PLA2G4E: variants seen among roughly 807,000 people sequenced by gnomAD.
PLA2G4E encodes phospholipase A2 group IVE, also known as cytosolic phospholipase A2 epsilon.
Under a neutral mutation model 109.1 loss-of-function variants are expected in PLA2G4E, and 84 were observed. The ratio of observed to expected loss-of-function variants is 0.77; its 90% CI spans 0.65 to 0.92. PLA2G4E has a LOEUF of 0.92. Ranked by LOEUF, PLA2G4E falls within the 40% of genes least tolerant of loss-of-function variation. The probability of loss-of-function intolerance (pLI) is 0.00; values close to 1 mark genes in which losing one functional copy is unlikely to be tolerated. For synonymous variants in PLA2G4E, 469 were observed against 436.1 expected (o/e 1.08, Z -0.94); for missense variants, 1,057 against 1,076.6 (o/e 0.98, Z 0.25).
chr15:42,045,217 C>T (rs573676702), intron 1 of PLA2G4E, among the ~76,000 whole-genome samples: 11 of 152,182 alleles, frequency 7.2e-5, no homozygotes, highest in East Asian at 1.9e-4. Context: ...AGACCCTCTA[C>T]GATGGGAGGT....
At chr15:42,031,174 G>T (rs1889107016) in intron 1 of PLA2G4E, among the ~76,000 whole-genome samples, 1 of 151,934 alleles carries the variant, frequency 6.6e-6, no homozygotes, top group Non-Finnish European at 1.5e-5. Flanking sequence ...TCACTATGTT[G>T]CCCACGCTGG....
chr15:42,034,653 G>A (rs1029832246), intron 1 of PLA2G4E, among the ~76,000 whole-genome samples: 5 of 152,138 alleles, frequency 3.3e-5, no homozygotes, highest in Admixed American at 6.5e-5. Flanking sequence ...CCTCTTCTAC[G>A]TCCTCTTTTT....
intron 13 of PLA2G4E, among the ~76,000 whole-genome samples, 153 bp from the exon 14 acceptor site, chr15:41,990,388 C>T (rs887140463): frequency 6.6e-6 from 1 of 152,188 alleles, no homozygotes; most frequent in Admixed American, 6.5e-5. Flanking sequence ...CCAGCCAAAT[C>T]ACTCTGAAAG....
chr15:42,015,343 C>T (rs986680848), intron 1 of PLA2G4E, among the ~76,000 whole-genome samples: 7 of 152,214 alleles, frequency 4.6e-5, no homozygotes, highest in African/African-American at 1.4e-4. Flanking sequence ...GGGACCGCAG[C>T]GCTCTCCCAG....
intron 5 of PLA2G4E, among the ~76,000 whole-genome samples, chr15:42,003,165 T>C (rs1025598178): frequency 6.6e-6 from 1 of 152,248 alleles, no homozygotes; most frequent in Non-Finnish European, 1.5e-5. Context: ...TGTTATAAAG[T>C]TGAGAACATA....
intron 1 of PLA2G4E, among the ~76,000 whole-genome samples, chr15:42,036,256 T>C (rs1889212995): frequency 6.6e-6 from 1 of 152,142 alleles, no homozygotes; most frequent in Non-Finnish European, 1.5e-5. Context: ...GCGATGGGGC[T>C]GGGCCAGGTC....
chr15:42,019,933 C>T (rs2068632490), intron 1 of PLA2G4E, among the ~76,000 whole-genome samples: 1 of 152,240 alleles, frequency 6.6e-6, no homozygotes, highest in South Asian at 2.1e-4. Context: ...TTGAGGTAAA[C>T]TCTGTCACCT....
intron 1 of PLA2G4E, among the ~76,000 whole-genome samples, chr15:42,031,819 AG>A (rs1405381656): frequency 1.3e-5 from 2 of 152,160 alleles, no homozygotes; most frequent in Non-Finnish European, 2.9e-5. Context: ...GGTTTCTCCT[AG>A]TTCCACTGTC....
intron 1 of PLA2G4E, among the ~76,000 whole-genome samples, chr15:42,023,593 G>A (rs2068667479): frequency 6.6e-6 from 1 of 152,036 alleles, no homozygotes; most frequent in African/African-American, 2.4e-5. Context: ...AAGTCCAGGA[G>A]TTTCTGTGGC....
At chr15:41,984,151 C>T (rs1252013756) in intron 19 of PLA2G4E, among the ~76,000 whole-genome samples, 177 bp from the exon 20 acceptor site, 3 of 152,206 alleles carry the variant, frequency 2.0e-5, no homozygotes, top group African/African-American at 4.8e-5. Flanking sequence ...CTCCTCAGGG[C>T]GTGGTGCAGG....
chr15:41,985,269 T>C (rs1163826512), intron 18 of PLA2G4E, among the ~76,000 whole-genome samples: 1 of 152,198 alleles, frequency 6.6e-6, no homozygotes, highest in African/African-American at 2.4e-5. Flanking sequence ...CTTAGATTGT[T>C]TTCATTGTTG....
chr15:42,004,860 C>T (rs2068458382), intron 5 of PLA2G4E, 78 bp downstream of exon 5: 2 of 1,539,524 alleles, frequency 1.3e-6, no homozygotes, highest in Non-Finnish European at 1.8e-6. Flanking sequence ...AAAGGCCGAC[C>T]TGCCTCTGAA....
chr15:41,985,914 G>A (rs766196285), exon 18 of PLA2G4E: 5 of 1,608,792 alleles, frequency 3.1e-6, no homozygotes, highest in Admixed American at 1.7e-5. Context: ...GGAGGGGCGG[G>A]TAGCTGGAGT....
At chr15:41,984,953 G>A (rs943604889) in intron 18 of PLA2G4E, among the ~76,000 whole-genome samples, 1 of 152,242 alleles carries the variant, frequency 6.6e-6, no homozygotes, top group Non-Finnish European at 1.5e-5. Flanking sequence ...AGCTGCCCAG[G>A]CCCCTGTGGG....
At chr15:42,048,991 C>T (rs1889463883) in intron 1 of PLA2G4E, among the ~76,000 whole-genome samples, 1 of 152,228 alleles carries the variant, frequency 6.6e-6, no homozygotes, top group African/African-American at 2.4e-5. Flanking sequence ...GTTAGCAAGA[C>T]AGCAGGGGAG....
chr15:42,014,034 G>C (rs1192965330), intron 1 of PLA2G4E, among the ~76,000 whole-genome samples: 1 of 151,962 alleles, frequency 6.6e-6, no homozygotes, highest in Non-Finnish European at 1.5e-5. Flanking sequence ...TGGGGTTACA[G>C]GTGTCTGCCA....
chr15:41,994,158 T>G (rs1317257236), intron 12 of PLA2G4E, among the ~76,000 whole-genome samples: 1 of 152,196 alleles, frequency 6.6e-6, no homozygotes, highest in African/African-American at 2.4e-5. Flanking sequence ...TTACTCTGTT[T>G]CTCCAGCTGA....
chr15:41,985,575 C>G (rs1484797774), intron 18 of PLA2G4E, among the ~76,000 whole-genome samples: 1 of 152,232 alleles, frequency 6.6e-6, no homozygotes, highest in South Asian at 2.1e-4. Context: ...GAAGAATTGC[C>G]CAATATGGCA....
chr15:41,984,886 G>C (rs2068115820), intron 18 of PLA2G4E, among the ~76,000 whole-genome samples: 2 of 152,240 alleles, frequency 1.3e-5, no homozygotes, highest in African/African-American at 2.4e-5. Context: ...ACACAGACTT[G>C]GGTGGATGTG....
Sources: gnomAD v4.1 joint callset for allele counts (sites outside exome capture counted in the v4.1 genomes callset) on GRCh38, gnomAD v4.1.1 for gene constraint, MANE v1.5 for transcripts, NCBI Gene and HGNC (gene_info 2026-07-23, HGNC 2026-07-21) for gene names.